Variants in CFAP69 observed in about 807,000 individuals in gnomAD.
The protein encoded by CFAP69 is cilia and flagella associated protein 69, also known as cilia- and flagella-associated protein 69.
In CFAP69, 92 loss-of-function variants were observed where a neutral mutation model predicts 123.0. That is an observed-to-expected ratio of 0.75 (90% CI 0.63 to 0.89). The LOEUF (loss-of-function observed/expected upper bound fraction) is 0.89. CFAP69 is among the 40% of genes least tolerant of loss of function. The probability of loss-of-function intolerance (pLI) is 0.00; values close to 1 mark genes in which losing one functional copy is unlikely to be tolerated. For synonymous variants in CFAP69, 380 were observed against 364.3 expected (o/e 1.04, Z -0.49); for missense variants, 1,067 against 1,096.9 (o/e 0.97, Z 0.39).
At chr7:90,323,173 C>T in the CFAP69 span, among the ~76,000 whole-genome samples, 3 of 152,150 alleles carry the variant, frequency 2.0e-5, no homozygotes, top group Admixed American at 2.0e-4. Flanking sequence ...CTCTTGGTGT[C>T]TACCCCCAAG....
intron 13 of CFAP69, among the ~76,000 whole-genome samples, chr7:90,285,004 G>A (rs1447885180): frequency 6.6e-6 from 1 of 152,146 alleles, no homozygotes; most frequent in African/African-American, 2.4e-5. Context: ...AACAAGGAGA[G>A]AATAAAGGCA....
At chr7:90,246,362 C>T (rs1796324579) in intron 1 of CFAP69, among the ~76,000 whole-genome samples, 1 of 152,180 alleles carries the variant, frequency 6.6e-6, no homozygotes, top group Non-Finnish European at 1.5e-5. Context: ...CCCTGTCCTG[C>T]CTCACACTAA....
chr7:90,286,436 A>C, intron 14 of CFAP69, 37 bp downstream of exon 14: 1 of 1,601,458 alleles, frequency 6.2e-7, no homozygotes, highest in Non-Finnish European at 8.5e-7. Flanking sequence ...CAGGTCTCCC[A>C]GTCACCTAAC....
chr7:90,311,268 C>A (rs1431306844), downstream of CFAP69, among the ~76,000 whole-genome samples: 1 of 152,076 alleles, frequency 6.6e-6, no homozygotes, highest in East Asian at 1.9e-4. Context: ...GCCTGGAAGC[C>A]ACAAAGGACA....
At chr7:90,252,043 T>C (rs1797077462) in intron 1 of CFAP69, 1 of 152,128 alleles carries the variant, frequency 6.6e-6, no homozygotes, top group Admixed American at 6.5e-5. Context: ...TGCATTGACA[T>C]TTCATTCCAA....
chr7:90,265,279 C>G, intron 4 of CFAP69, 22 bp from the exon 5 acceptor site: 2 of 1,523,790 alleles, frequency 1.3e-6, no homozygotes, highest in Non-Finnish European at 1.8e-6. Flanking sequence ...ATTACTGTTA[C>G]AATTCTTCAT....
chr7:90,264,946 A>G (rs1426021182), intron 4 of CFAP69, among the ~76,000 whole-genome samples: 1 of 152,062 alleles, frequency 6.6e-6, no homozygotes, highest in East Asian at 1.9e-4. Context: ...GGTGCACGCC[A>G]CCATGCCCAG....
intron 15 of CFAP69, among the ~76,000 whole-genome samples, chr7:90,295,677 G>C (rs796408062): frequency 3.3e-5 from 5 of 152,268 alleles, no homozygotes; most frequent in African/African-American, 1.2e-4. Context: ...AAATAATTCA[G>C]GGTGAGTCCA....
chr7:90,268,263 G>A (rs1335767323), intron 5 of CFAP69, 23 bp from the exon 6 acceptor site: 4 of 1,467,306 alleles, frequency 2.7e-6, no homozygotes, highest in Admixed American at 3.6e-5. Context: ...TTGTTAAATA[G>A]CACCTGTTTA....
intron 4 of CFAP69, among the ~76,000 whole-genome samples, chr7:90,264,833 C>T (rs763594318): frequency 1.3e-5 from 2 of 151,846 alleles, no homozygotes; most frequent in Non-Finnish European, 2.9e-5. Flanking sequence ...CTCACTCTGT[C>T]GCCAGGCTGG....
intron 2 of CFAP69, 64 bp from the exon 3 acceptor site, chr7:90,258,034 G>T (rs1268274146): frequency 2.6e-6 from 3 of 1,151,798 alleles, no homozygotes; most frequent in Non-Finnish European, 3.8e-6. Flanking sequence ...TTATGTTGAA[G>T]AATTTTTTAA....
intron 9 of CFAP69, 152 bp from the exon 10 acceptor site, chr7:90,276,921 C>T (rs537473891): frequency 3.5e-5 from 17 of 480,610 alleles, no homozygotes; most frequent in South Asian, 2.3e-4. Context: ...TATTTTTTGC[C>T]TCACTCTTTA....
intron 4 of CFAP69, 43 bp downstream of exon 4, chr7:90,262,099 T>C: frequency 8.2e-7 from 1 of 1,219,228 alleles, no homozygotes; most frequent in Non-Finnish European, 1.2e-6. Flanking sequence ...TAACATGGAG[T>C]ATTTTATTAT....
At chr7:90,260,165 G>A (rs1270631881) in intron 3 of CFAP69, among the ~76,000 whole-genome samples, 1 of 152,108 alleles carries the variant, frequency 6.6e-6, no homozygotes, top group Non-Finnish European at 1.5e-5. Context: ...CTTCCAGTGT[G>A]GGCCAGGGAA....
At position 90,282,755 on chromosome 7, in the gene CFAP69, A is replaced by G. The variant is rs993906386; in HGVS notation, c.1373-137A>G. 4 of 622,640 alleles carry G rather than the reference A, an allele frequency of 6.4e-6. No individual in the cohort carries two copies. The Admixed American group carries it at 1.7e-4, about 26-fold the overall frequency. The allele number at this position is 622,640 out of a possible 1,614,324, so 38.6% of individuals were successfully genotyped here. The stretch of plus-strand genomic sequence containing the variant: ...TAAGAGGGAAAAGGGATAATATTTT[A>G]TTTCTCTAAAAAAAAACTAAAGCAA... On this transcript the variant is annotated intron_variant, in intron 12 of 22. Transcript: ENST00000389297.
intron 9 of CFAP69, 62 bp downstream of exon 9, chr7:90,274,172 G>T: frequency 6.4e-7 from 1 of 1,551,878 alleles, no homozygotes; most frequent in Non-Finnish European, 8.7e-7. Context: ...GGTGAAAGAA[G>T]TCCTATATTA....
At chr7:90,323,562 G>C in the CFAP69 span, among the ~76,000 whole-genome samples, 1 of 152,086 alleles carries the variant, frequency 6.6e-6, no homozygotes, top group Admixed American at 6.5e-5. Context: ...CAAAACTCTT[G>C]AACCAGGGAG....
intron 2 of CFAP69, 146 bp downstream of exon 2, chr7:90,255,628 A>G: frequency 1.7e-6 from 1 of 602,636 alleles, no homozygotes; most frequent in Non-Finnish European, 2.9e-6. Context: ...ATATTCAAGG[A>G]CTATTTAAAT....
chr7:90,272,073 G>T (rs1800035551), intron 8 of CFAP69, 115 bp downstream of exon 8: 10 of 990,182 alleles, frequency 1.0e-5, no homozygotes, highest in Non-Finnish European at 1.0e-5. Context: ...TCATGTAATG[G>T]CTATGTTTCA....
Sources: gnomAD v4.1 joint callset for allele counts (sites outside exome capture counted in the v4.1 genomes callset) on GRCh38, gnomAD v4.1.1 for gene constraint, MANE v1.5 for transcripts, NCBI Gene and HGNC (gene_info 2026-07-23, HGNC 2026-07-21) for gene names.